DLGAP1: variants seen among roughly 807,000 people sequenced by gnomAD.
DLGAP1 encodes the protein DLG associated protein 1, also known as disks large-associated protein 1.
A neutral mutation model predicts 90.8 loss-of-function variants in DLGAP1; 11 were observed. The observed-to-expected ratio is 0.12, with a 90% confidence interval of 0.08 to 0.20. DLGAP1 has a LOEUF of 0.20. DLGAP1 is among the 10% of genes least tolerant of loss of function. DLGAP1 has a pLI of 1.00. For missense variants in DLGAP1, 1,050 were observed against 1,333.8 expected (o/e 0.79, Z 3.31); for synonymous variants, 558 against 540.7 (o/e 1.03, Z -0.44).
chr18:3,797,617 G>C (rs1568151251), intron 5 of DLGAP1, among the ~76,000 whole-genome samples: 1 of 152,230 alleles, frequency 6.6e-6, no homozygotes, highest in African/African-American at 2.4e-5. Context: ...AAAGGCTGGT[G>C]AGCATGAAAA....
At position 4,084,351 on chromosome 18, in the gene DLGAP1, C is replaced by T. The variant is rs2075652877; in HGVS notation, c.-159+66829G>A. On this transcript the variant is annotated intron_variant, in intron 2 of 12. Transcript: ENST00000315677. This position sits in a 1 kb window ranked among gnomAD's most constrained non-coding sequence, Gnocchi z 4.0. ...ACCATAACTCATTTAACAATCTTTC[C>T]ATTGTTAAAAATTTAGATTTGTTTT... is the stretch of plus-strand genomic sequence containing the variant. Among the ~76,000 whole-genome samples, 1 of 152,086 alleles carries T rather than the reference C, an allele frequency of 6.6e-6. No homozygotes were observed.
At chr18:3,524,278 T>TA (rs900853242) in intron 10 of DLGAP1, among the ~76,000 whole-genome samples, 17 of 145,916 alleles carry the variant, frequency 1.2e-4, no homozygotes, top group African/African-American at 2.5e-4. Flanking sequence ...TTGTTTCAAT[T>TA]AAAAAAAAAA....
intron 2 of DLGAP1, among the ~76,000 whole-genome samples, chr18:4,039,319 T>C (rs1462513869): frequency 6.6e-6 from 1 of 152,128 alleles, no homozygotes; most frequent in East Asian, 1.9e-4. Flanking sequence ...AGACACCCAA[T>C]GAATGTCTCT....
chr18:3,755,917 T>C (rs1335913736), intron 5 of DLGAP1, among the ~76,000 whole-genome samples: 2 of 152,168 alleles, frequency 1.3e-5, no homozygotes, highest in South Asian at 2.1e-4. Flanking sequence ...TAATAGGTCA[T>C]AAAACAAGCC....
chr18:3,964,261 G>A (rs544761276), intron 3 of DLGAP1, among the ~76,000 whole-genome samples: 1 of 152,282 alleles, frequency 6.6e-6, no homozygotes, highest in African/African-American at 2.4e-5. Context: ...ATGTGATTTA[G>A]GGATCTATTT....
At chr18:4,131,975 T>G (rs1463612169) in intron 2 of DLGAP1, among the ~76,000 whole-genome samples, 1 of 152,168 alleles carries the variant, frequency 6.6e-6, no homozygotes, top group Non-Finnish European at 1.5e-5. Context: ...ATAATACAAT[T>G]ACTAGTATCT....
chr18:3,947,639 G>A (rs879619932), intron 3 of DLGAP1, among the ~76,000 whole-genome samples: 5 of 152,188 alleles, frequency 3.3e-5, no homozygotes, highest in Non-Finnish European at 7.3e-5. Flanking sequence ...ACACTTTGAG[G>A]TTTAAGGGGA....
intron 7 of DLGAP1, among the ~76,000 whole-genome samples, chr18:3,704,351 A>G (rs2061371355): frequency 6.6e-6 from 1 of 152,126 alleles, no homozygotes; most frequent in African/African-American, 2.4e-5. Flanking sequence ...CAGGTGGATT[A>G]CTTGAGGTCA....
intron 7 of DLGAP1, among the ~76,000 whole-genome samples, chr18:3,627,850 C>T (rs998775010): frequency 2.7e-5 from 4 of 149,590 alleles, no homozygotes; most frequent in African/African-American, 9.8e-5. Context: ...TTCCTTCCTT[C>T]CCTCCCTTCC....
At chr18:3,797,331 A>AG (rs1008460053) in intron 5 of DLGAP1, among the ~76,000 whole-genome samples, 1 of 151,890 alleles carries the variant, frequency 6.6e-6, no homozygotes, top group Non-Finnish European at 1.5e-5. Flanking sequence ...TCAGGAAAAA[A>AG]AAAAAAAAAG....
intron 1 of DLGAP1, among the ~76,000 whole-genome samples, chr18:4,198,581 C>G (rs1194935397): frequency 6.6e-6 from 1 of 152,144 alleles, no homozygotes; most frequent in East Asian, 1.9e-4. Flanking sequence ...ATTATGGAAA[C>G]TTTTTAATCT....
chr18:4,442,503 T>C (rs2083559880), intron 1 of DLGAP1, among the ~76,000 whole-genome samples: 1 of 152,204 alleles, frequency 6.6e-6, no homozygotes, highest in Non-Finnish European at 1.5e-5. Flanking sequence ...CAGTAACAGG[T>C]ATCTATAATG....
chr18:4,414,113 A>G (rs2144632879), intron 1 of DLGAP1, among the ~76,000 whole-genome samples: 1 of 152,350 alleles, frequency 6.6e-6, no homozygotes, highest in Non-Finnish European at 1.5e-5. Context: ...TCCAATGTGA[A>G]TGAAAAGTGA....
chr18:4,392,428 T>C (rs918064796), intron 1 of DLGAP1, among the ~76,000 whole-genome samples: 1 of 152,190 alleles, frequency 6.6e-6, no homozygotes, highest in Non-Finnish European at 1.5e-5. Context: ...GTCCTCATTA[T>C]AGACCATTTA....
At chr18:3,743,355 T>A (rs1019349628) in intron 5 of DLGAP1, among the ~76,000 whole-genome samples, 20 of 150,250 alleles carry the variant, frequency 1.3e-4, no homozygotes, top group African/African-American at 4.9e-4. Context: ...TTAATTTTAA[T>A]TTTTTTTTTA....
Position 3,565,727 on chromosome 18 carries a change from C to A in DLGAP1, c.2057+1763G>T, listed in dbSNP as rs1041680081. Among the ~76,000 whole-genome samples, 1 of 151,780 alleles carries A rather than the reference C, an allele frequency of 6.6e-6. No individual in the cohort carries two copies. Among genetic ancestry groups the A allele is most frequent in the Admixed American group, 6.6e-5 (1 of 15,236 alleles). On this transcript the variant is annotated intron_variant, in intron 9 of 12. Transcript: ENST00000315677. The surrounding 1 kb of genome is among the most constrained non-coding windows in gnomAD (Gnocchi z 4.0). Reference sequence around the variant, plus strand: ...GTCCGTGCCTGTAGTCCCAGCCACTCGGGAGGCTGAGTCAGGAGAACCGCT... The same window carrying A: ...GTCCGTGCCTGTAGTCCCAGCCACTAGGGAGGCTGAGTCAGGAGAACCGCT...
At chr18:3,639,359 G>GAGAAAAGAAAAGAAA (rs199859623) in intron 7 of DLGAP1, among the ~76,000 whole-genome samples, 14,115 of 136,452 alleles carry the variant, frequency 0.1, 949 homozygotes, top group African/African-American at 0.13. Context: ...ATCTCAAAAA[G>GAGAAAAGAAAAGAAA]AGAAAAGAAA....
At chr18:3,822,739 T>G (rs551913622) in intron 4 of DLGAP1, among the ~76,000 whole-genome samples, 5 of 152,240 alleles carry the variant, frequency 3.3e-5, no homozygotes, top group African/African-American at 1.2e-4. Flanking sequence ...CCCCAAGGGA[T>G]TGGGGAGCCA....
chr18:4,065,539 G>A (rs1029508129), intron 2 of DLGAP1, among the ~76,000 whole-genome samples: 3 of 152,126 alleles, frequency 2.0e-5, no homozygotes, highest in Middle Eastern at 3.4e-3. Context: ...CAGCCAAGCT[G>A]AGAGCCAAAT....
Sources: allele counts gnomAD v4.1 joint callset (sites outside exome capture counted in the v4.1 genomes callset), GRCh38; gene constraint gnomAD v4.1.1; non-coding constraint Gnocchi (gnomAD v3.1); transcripts MANE v1.5; gene names NCBI Gene and HGNC (gene_info 2026-07-23, HGNC 2026-07-21).